KCNK9: variants seen among roughly 807,000 people sequenced by gnomAD.
The protein encoded by KCNK9 is potassium channel subfamily K member 9.
KCNK9 carries 1 observed loss-of-function variant against 10.8 expected under a neutral mutation model. The ratio of observed to expected loss-of-function variants is 0.09; its 90% confidence interval spans 0.03 to 0.44. The LOEUF is 0.44. Among genes scored for constraint, KCNK9 ranks in the 20% least tolerant of loss-of-function variants. The pLI, the probability that KCNK9 is intolerant of heterozygous loss-of-function variation, is 0.97. For synonymous variants in KCNK9, 231 were observed against 222.7 expected (o/e 1.04, Z -0.33); for missense variants, 303 against 515.0 (o/e 0.59, Z 3.98).
intron 1 of KCNK9, among the ~76,000 whole-genome samples, chr8:139,671,897 C>G (rs1216310527): frequency 6.6e-6 from 1 of 152,184 alleles, no homozygotes; most frequent in Middle Eastern, 3.2e-3. Context: ...CAAGGCTCCC[C>G]TGAGCGTGGC....
chr8:139,635,780 C>G (rs538711057), intron 1 of KCNK9, among the ~76,000 whole-genome samples: 397 of 152,258 alleles, frequency 2.6e-3, no homozygotes, highest in Non-Finnish European at 4.2e-3. Context: ...AGGAGGCAGC[C>G]TGGAAGCATC....
intron 1 of KCNK9, among the ~76,000 whole-genome samples, chr8:139,648,767 G>A (rs1462901447): frequency 6.6e-6 from 1 of 152,250 alleles, no homozygotes; most frequent in East Asian, 1.9e-4. Context: ...TATGGGCAGA[G>A]TCAGCTGGCA....
At chr8:139,635,812 T>G (rs1815321312) in intron 1 of KCNK9, among the ~76,000 whole-genome samples, 2 of 152,162 alleles carry the variant, frequency 1.3e-5, no homozygotes, top group South Asian at 4.1e-4. Flanking sequence ...GCTAGTCCTT[T>G]TCCTGAATAC....
intron 1 of KCNK9, among the ~76,000 whole-genome samples, chr8:139,637,772 C>T (rs1032490523): frequency 1.3e-5 from 2 of 151,846 alleles, no homozygotes; most frequent in Non-Finnish European, 2.9e-5. Flanking sequence ...CACACACACA[C>T]ACACACACAC....
chr8:139,613,092 G>A (rs1163139706), downstream of KCNK9, among the ~76,000 whole-genome samples: 6 of 152,240 alleles, frequency 3.9e-5, no homozygotes, highest in Non-Finnish European at 7.3e-5. Context: ...TCTTAGGCGT[G>A]ACAATGGCAC....
intron 1 of KCNK9, among the ~76,000 whole-genome samples, chr8:139,634,608 C>T (rs1815283040): frequency 6.6e-6 from 1 of 152,150 alleles, no homozygotes; most frequent in South Asian, 2.1e-4. Context: ...ACTGTCCTGC[C>T]CAGAGCAGCA....
intron 1 of KCNK9, among the ~76,000 whole-genome samples, chr8:139,648,191 T>C (rs957342473): frequency 2.0e-5 from 3 of 152,066 alleles, no homozygotes; most frequent in African/African-American, 4.8e-5. Flanking sequence ...CAGGATTCCA[T>C]TGATAGGAAA....
chr8:139,661,001 G>T (rs1816138542), intron 1 of KCNK9, among the ~76,000 whole-genome samples: 1 of 152,172 alleles, frequency 6.6e-6, no homozygotes, highest in South Asian at 2.1e-4. Flanking sequence ...GAAAAGCAGT[G>T]AAAATGCCCA....
chr8:139,637,164 C>T (rs1252468402), intron 1 of KCNK9, among the ~76,000 whole-genome samples: 1 of 152,228 alleles, frequency 6.6e-6, no homozygotes, highest in East Asian at 1.9e-4. Flanking sequence ...CAACATCTCA[C>T]CTCCAGCTGA....
chr8:139,649,835 G>A (rs553110349), intron 1 of KCNK9, among the ~76,000 whole-genome samples: 20 of 152,328 alleles, frequency 1.3e-4, no homozygotes, highest in Admixed American at 3.9e-4. Flanking sequence ...CTGGGGATGC[G>A]GCAAAGAACA....
intron 1 of KCNK9, among the ~76,000 whole-genome samples, chr8:139,648,323 ATGT>A (rs1376070923): frequency 1.3e-5 from 2 of 152,162 alleles, no homozygotes; most frequent in African/African-American, 4.8e-5. Flanking sequence ...CGAAAATAAG[ATGT>A]TGTTTTGGAA....
At chr8:139,637,019 A>G (rs1474790237) in intron 1 of KCNK9, among the ~76,000 whole-genome samples, 1 of 152,264 alleles carries the variant, frequency 6.6e-6, no homozygotes, top group Non-Finnish European at 1.5e-5. Flanking sequence ...CTTAGGTCTA[A>G]CAAGAGGCTG....
At chr8:139,624,631 C>T (rs1287831834) in intron 1 of KCNK9, among the ~76,000 whole-genome samples, 1 of 152,154 alleles carries the variant, frequency 6.6e-6, no homozygotes, top group African/African-American at 2.4e-5. Context: ...ACCCCCAGCT[C>T]AGCCCAGCCC....
At chr8:139,655,355 C>T (rs921905292) in intron 1 of KCNK9, among the ~76,000 whole-genome samples, 2 of 152,204 alleles carry the variant, frequency 1.3e-5, no homozygotes, top group Non-Finnish European at 1.5e-5. Context: ...ACTCCTTCCC[C>T]GGCTTGTTCC....
In KCNK9 at chr8:139,682,405, C is replaced by T. The variant is rs114542332; in HGVS notation, c.283+20305G>A. Among the ~76,000 whole-genome samples, 666 of 152,204 alleles carry T rather than the reference C, an allele frequency of 4.4e-3. 6 individuals are homozygous for T. The highest frequency in any genetic ancestry group is 0.015 in the African/African-American group (626 of 41,528). On this transcript the variant is annotated intron_variant, in intron 1 of 1. Transcript: ENST00000520439. Reference sequence around the variant, plus strand: ...AGACTGGCTTGGAAAGAGCTGAGCACGACACAGGGTGGCAGGTGCTGAACT... The same window carrying T: ...AGACTGGCTTGGAAAGAGCTGAGCATGACACAGGGTGGCAGGTGCTGAACT...
At chr8:139,609,468 A>G (rs1340679097), downstream of KCNK9, among the ~76,000 whole-genome samples, 2 of 152,226 alleles carry the variant, frequency 1.3e-5, no homozygotes, top group African/African-American at 4.8e-5. Context: ...AGGAATCCAG[A>G]GGAAGACATG....
At chr8:139,664,998 A>T (rs984651973) in intron 1 of KCNK9, among the ~76,000 whole-genome samples, 3 of 152,160 alleles carry the variant, frequency 2.0e-5, no homozygotes, top group Admixed American at 1.3e-4. Flanking sequence ...AGGCCCCAGC[A>T]CCAGTATAAT....
intron 1 of KCNK9, among the ~76,000 whole-genome samples, chr8:139,666,465 A>G (rs1448781963): frequency 6.6e-6 from 1 of 152,268 alleles, no homozygotes; most frequent in Non-Finnish European, 1.5e-5. Context: ...TAAAGTGCTC[A>G]GAACACTGTG....
chr8:139,654,262 CAGATCG>C (rs1185809253), intron 1 of KCNK9, among the ~76,000 whole-genome samples: 2 of 152,208 alleles, frequency 1.3e-5, no homozygotes, highest in East Asian at 3.9e-4. Flanking sequence ...CACAAGCTGC[CAGATCG>C]CTGGGTGCCC....
Sources: allele counts gnomAD v4.1 joint callset (sites outside exome capture counted in the v4.1 genomes callset), GRCh38; gene constraint gnomAD v4.1.1; transcripts MANE v1.5; gene names NCBI Gene and HGNC (gene_info 2026-07-23, HGNC 2026-07-21).